RPGRIP1: variants seen among roughly 807,000 people sequenced by gnomAD.
RPGRIP1 encodes RPGR interacting protein 1.
In RPGRIP1, 128 loss-of-function variants were observed where a neutral mutation model predicts 157.9. That is an observed-to-expected ratio of 0.81 (90% CI 0.70 to 0.94). The LOEUF (loss-of-function observed/expected upper bound fraction) is 0.94. RPGRIP1 is among the 40% of genes least tolerant of loss of function. The pLI is 0.00. For synonymous variants in RPGRIP1, 554 were observed against 571.6 expected (o/e 0.97, Z 0.44); for missense variants, 1,486 against 1,545.8 (o/e 0.96, Z 0.65).
At chr14:21,331,402 G>A (rs1406485904) in intron 20 of RPGRIP1, among the ~76,000 whole-genome samples, 1 of 151,936 alleles carries the variant, frequency 6.6e-6, no homozygotes, top group Admixed American at 6.6e-5. Context: ...TCTGCCTGTA[G>A]TCCCAGCTAC....
chr14:21,336,986 A>G (rs1001319960), intron 21 of RPGRIP1, among the ~76,000 whole-genome samples: 2 of 152,236 alleles, frequency 1.3e-5, no homozygotes, highest in Non-Finnish European at 2.9e-5. Context: ...TAGTGTTATT[A>G]TCAAGTTAAA....
At chr14:21,282,536 G>C (rs1212190191) in intron 1 of RPGRIP1, among the ~76,000 whole-genome samples, 1 of 144,966 alleles carries the variant, frequency 6.9e-6, no homozygotes, top group African/African-American at 2.5e-5. Flanking sequence ...ACGCCGGGTG[G>C]AAGTTTCTTC....
chr14:21,349,097 G>A (rs1396680276), intron 24 of RPGRIP1, among the ~76,000 whole-genome samples: 2 of 124,166 alleles, frequency 1.6e-5, no homozygotes, highest in Admixed American at 9.2e-5. Context: ...TTGAGACAGA[G>A]TCTCTCTCTG....
intron 10 of RPGRIP1, among the ~76,000 whole-genome samples, chr14:21,312,793 A>T (rs973062875): frequency 1.3e-5 from 2 of 150,664 alleles, no homozygotes; most frequent in Non-Finnish European, 2.9e-5. Flanking sequence ...GGTTCAAACG[A>T]TTCTCCTGAC....
At chr14:21,325,179 A>T in intron 15 of RPGRIP1, 53 bp from the exon 16 acceptor site, 6 of 1,555,042 alleles carry the variant, frequency 3.9e-6, no homozygotes, top group Non-Finnish European at 5.2e-6. Context: ...CTTGTTCTTG[A>T]TCCTTGCCAC....
At chr14:21,325,790 A>G (rs1459699404) in intron 16 of RPGRIP1, 41 bp from the exon 17 acceptor site, 2 of 1,473,618 alleles carry the variant, frequency 1.4e-6, no homozygotes, top group Non-Finnish European at 1.9e-6. Flanking sequence ...CAACAGTCTC[A>G]AGCTGCCCTT....
chr14:21,294,327 C>T (rs1369150809), intron 2 of RPGRIP1, among the ~76,000 whole-genome samples: 1 of 150,982 alleles, frequency 6.6e-6, no homozygotes, highest in Non-Finnish European at 1.5e-5. Context: ...GCCTCCCAGG[C>T]TCAAGCAATT....
At chr14:21,306,096 G>A (rs909074113) in intron 6 of RPGRIP1, among the ~76,000 whole-genome samples, 26 of 135,808 alleles carry the variant, frequency 1.9e-4, no homozygotes, top group African/African-American at 7.2e-4. Context: ...GAGCTCCTAG[G>A]TTCAGGAATA....
intron 1 of RPGRIP1, among the ~76,000 whole-genome samples, chr14:21,285,142 C>A (rs183689401): frequency 2.6e-5 from 4 of 151,914 alleles, no homozygotes; most frequent in Non-Finnish European, 4.4e-5. Flanking sequence ...AAGGTAGTTT[C>A]TGTGTATAGT....
chr14:21,288,954 C>T (rs1216287974), intron 2 of RPGRIP1, among the ~76,000 whole-genome samples: 1 of 152,196 alleles, frequency 6.6e-6, no homozygotes, highest in Non-Finnish European at 1.5e-5. Context: ...GCCCTTAGCC[C>T]TTCACTGTCA....
chr14:21,335,305 C>G (rs78059224), intron 21 of RPGRIP1, among the ~76,000 whole-genome samples: 6,617 of 152,132 alleles, frequency 0.043, 475 homozygotes, highest in African/African-American at 0.15. Context: ...CCATTGTGTC[C>G]TGTAATTCAT....
At chr14:21,287,223 C>G (rs1340724914) in intron 1 of RPGRIP1, among the ~76,000 whole-genome samples, 1 of 152,146 alleles carries the variant, frequency 6.6e-6, no homozygotes, top group Non-Finnish European at 1.5e-5. Context: ...CATGGCAAAA[C>G]CCTATCTCTA....
At chr14:21,325,120 C>G in intron 15 of RPGRIP1, 50 bp downstream of exon 15, 9 of 1,556,780 alleles carry the variant, frequency 5.8e-6, no homozygotes, top group Non-Finnish European at 7.8e-6. Context: ...GCAGAATTTC[C>G]CAAAGCCTAC....
chr14:21,339,185 C>T (rs779697158), intron 21 of RPGRIP1, among the ~76,000 whole-genome samples: 21 of 151,684 alleles, frequency 1.4e-4, no homozygotes, highest in Admixed American at 1.1e-3. Flanking sequence ...TGGTGGCTCA[C>T]GCCTGTAATT....
intron 24 of RPGRIP1, among the ~76,000 whole-genome samples, chr14:21,349,568 A>G (rs1054035231): frequency 1.3e-5 from 2 of 151,466 alleles, no homozygotes; most frequent in African/African-American, 4.9e-5. Context: ...ACGCCCAGCT[A>G]ATTTTGTATA....
intron 14 of RPGRIP1, among the ~76,000 whole-genome samples, chr14:21,323,096 G>A (rs773193761): frequency 3.3e-5 from 5 of 152,162 alleles, no homozygotes; most frequent in Non-Finnish European, 7.3e-5. Context: ...AGCAAAATCA[G>A]TAAGTAGGTT....
chr14:21,336,661 G>A (rs1409350789), intron 21 of RPGRIP1, among the ~76,000 whole-genome samples: 4 of 152,266 alleles, frequency 2.6e-5, no homozygotes, highest in South Asian at 2.1e-4. Context: ...GCCACAGAAT[G>A]TTGGAATTAG....
At chr14:21,343,814 A>G (rs76779005) in intron 22 of RPGRIP1, among the ~76,000 whole-genome samples, 3,352 of 98,534 alleles carry the variant, frequency 0.034, 74 homozygotes, top group East Asian at 0.24. Context: ...TTCTTCTGTT[A>G]TTTACTTCCA....
rs181758389 is a variant in RPGRIP1, at chr14:21,326,018, G to A, written c.2555G>A (p.Arg852Gln). 1.0e-3 allele frequency: 1,659 copies of A among 1,613,948 alleles called. 5 individuals are homozygous for A. The highest frequency in any genetic ancestry group is 1.3e-3 in the Non-Finnish European group (1,493 of 1,179,884). ...AACCCCTACTTTAGAGACCAGGCTC[G>A]ATTCCCAGTGCTTGTGACCTCTGAC... ...SNNPYFRDQA[R>Q]FPVLVTSDLD... The change falls in exon 17 of 25, where the codon CGA becomes CAA. Residue 852 changes from arginine (R) to glutamine (Q), a missense_variant. Physicochemically the swap from Arg to Gln is conservative, Grantham distance 43. Coordinates refer to ENST00000400017, the MANE Select transcript of RPGRIP1 (RefSeq NM_020366.4).
Sources: allele counts gnomAD v4.1 joint callset (sites outside exome capture counted in the v4.1 genomes callset), GRCh38; gene constraint gnomAD v4.1.1; transcripts MANE v1.5; gene names NCBI Gene and HGNC (gene_info 2026-07-23, HGNC 2026-07-21).